The following NEDD1 variants were observed in gnomAD, a reference collection of about 807,000 sequenced individuals.
NEDD1 encodes protein NEDD1.
In NEDD1, 33 loss-of-function variants were observed where a neutral mutation model predicts 74.0. The ratio of observed to expected loss-of-function variants is 0.45; its 90% CI spans 0.34 to 0.60. The LOEUF (loss-of-function observed/expected upper bound fraction) is 0.60. Ranked by LOEUF, NEDD1 falls within the 20% of genes least tolerant of loss-of-function variation. NEDD1 has a pLI of 0.01. For synonymous variants in NEDD1, 250 were observed against 264.4 expected, an observed-to-expected ratio of 0.95 and a Z score of 0.53; for missense variants, 746 against 776.5, an observed-to-expected ratio of 0.96 and a Z score of 0.47.
intron 11 of NEDD1, 87 bp downstream of exon 11, chr12:96,942,711 G>T: frequency 2.8e-6 from 2 of 720,468 alleles, no homozygotes; most frequent in East Asian, 2.5e-5. Context: ...AACACTTTGA[G>T]GCTTAAAAAA....
At chr12:96,915,401 C>G (rs1874334130) in intron 4 of NEDD1, among the ~76,000 whole-genome samples, 1 of 152,042 alleles carries the variant, frequency 6.6e-6, no homozygotes, top group African/African-American at 2.4e-5. Context: ...TCATATGCAC[C>G]CTTTAAAGAA....
At chr12:96,912,086 G>T (rs995148295) in intron 3 of NEDD1, among the ~76,000 whole-genome samples, 1 of 151,568 alleles carries the variant, frequency 6.6e-6, no homozygotes, top group Non-Finnish European at 1.5e-5. Flanking sequence ...TTTACAATTC[G>T]TGTAAAAGAA....
chr12:96,923,071 T>A (rs2136538156), intron 6 of NEDD1, among the ~76,000 whole-genome samples: 1 of 152,202 alleles, frequency 6.6e-6, no homozygotes, highest in South Asian at 2.1e-4. Flanking sequence ...GAGTTCTGAT[T>A]GTGCCACTGC....
intron 1 of NEDD1, 120 bp downstream of exon 1, chr12:96,907,420 G>T: frequency 3.8e-6 from 2 of 530,280 alleles, no homozygotes; most frequent in Non-Finnish European, 6.6e-6. Context: ...TGGGCTTTGC[G>T]CGCCCGGAGC....
chr12:96,933,475 T>G lies in NEDD1; in HGVS notation c.490-1501T>G, dbSNP rs137964230. ...ATATAGTTAACATTCATGTAGTTTA[T>G]TTTTTCTTGAATATGGACCAGAGAA... On this transcript the variant is annotated intron_variant, in intron 6 of 15. Transcript: ENST00000266742. 5.3e-3 allele frequency among the ~76,000 whole-genome samples: 806 copies of G among 152,310 alleles called. 11 individuals carry two copies. The highest frequency in any genetic ancestry group is 0.018 in the African/African-American group (757 of 41,586).
Position 96,943,609 on chromosome 12 carries a change from T to C in NEDD1, c.1344T>C (p.Asn448=). Residue 448 remains asparagine, a synonymous_variant, in exon 12 of 16, where the codon AAT becomes AAC. Coordinates refer to ENST00000266742, the MANE Select transcript of NEDD1 (RefSeq NM_152905.4). ...ACTCAGTGTTTCCTCCAAGAAAAAATCCAGTAACTTCAAGTACTTCAGTAT... is the reference window on the plus strand; with the variant it reads ...ACTCAGTGTTTCCTCCAAGAAAAAACCCAGTAACTTCAAGTACTTCAGTAT... The part of the protein sequence containing the change: ...QLNSVFPPRK[N]PVTSSTSVLH... The C allele has an allele frequency of 6.2e-7, 1 of 1,613,230 alleles. No homozygotes were observed. The highest frequency in any genetic ancestry group is 8.5e-7 in the Non-Finnish European group (1 of 1,179,358).
At chr12:96,917,472 G>T in intron 4 of NEDD1, 149 bp from the exon 5 acceptor site, 1 of 888,592 alleles carries the variant, frequency 1.1e-6, no homozygotes, top group Non-Finnish European at 1.5e-6. Context: ...AAGACGATGA[G>T]AGAGTGGCTC....
At chr12:96,930,156 AACACACACACACACAC>A (rs61405089) in intron 6 of NEDD1, among the ~76,000 whole-genome samples, 4,477 of 93,436 alleles carry the variant, frequency 0.048, 117 homozygotes, top group African/African-American at 0.076. Context: ...TCTGTTGTAA[AACACACACACACACAC>A]ACACACACAC....
chr12:96,926,941 T>C (rs1242960816), intron 6 of NEDD1, among the ~76,000 whole-genome samples: 1 of 151,540 alleles, frequency 6.6e-6, no homozygotes, highest in Non-Finnish European at 1.5e-5. Context: ...GAGCCATGAC[T>C]GTGCTGCTGC....
At chr12:96,913,907 G>GA (rs1874181445) in intron 4 of NEDD1, among the ~76,000 whole-genome samples, 1 of 151,922 alleles carries the variant, frequency 6.6e-6, no homozygotes, top group Non-Finnish European at 1.5e-5. Context: ...CAATTAGAAA[G>GA]AAAACAGCAG....
intron 9 of NEDD1, 27 bp downstream of exon 9, chr12:96,937,420 G>A (rs781352033): frequency 1.5e-6 from 2 of 1,350,032 alleles, no homozygotes; most frequent in Non-Finnish European, 2.0e-6. Flanking sequence ...TATTGTTGGA[G>A]GGTTGGTTTG....
intron 9 of NEDD1, among the ~76,000 whole-genome samples, chr12:96,939,584 T>C (rs1309324012): frequency 6.6e-6 from 1 of 152,032 alleles, no homozygotes; most frequent in African/African-American, 2.4e-5. Flanking sequence ...CTTTTTAAAA[T>C]GTAATACAGT....
chr12:96,943,508 A>G (rs371493817), intron 11 of NEDD1, 52 bp from the exon 12 acceptor site: 69 of 1,222,550 alleles, frequency 5.6e-5, no homozygotes, highest in East Asian at 4.9e-4. Flanking sequence ...CTTTTCTTCA[A>G]TGTCCAAAAT....
At chr12:96,916,516 T>A (rs1344340676) in intron 4 of NEDD1, among the ~76,000 whole-genome samples, 1 of 139,642 alleles carries the variant, frequency 7.2e-6, no homozygotes, top group African/African-American at 2.7e-5. Flanking sequence ...TTTGGTTTTT[T>A]GTTCTTGCGA....
At chr12:96,916,990 A>G (rs969788555) in intron 4 of NEDD1, among the ~76,000 whole-genome samples, 2 of 152,094 alleles carry the variant, frequency 1.3e-5, no homozygotes, top group Non-Finnish European at 2.9e-5. Context: ...GAGGGGAGGG[A>G]GAACAAGAAA....
chr12:96,918,313 CT>C (rs1022064994), intron 5 of NEDD1, among the ~76,000 whole-genome samples: 6 of 151,488 alleles, frequency 4.0e-5, no homozygotes, highest in South Asian at 2.1e-4. Flanking sequence ...AGTCTATGGT[CT>C]TTTTTTTGGA....
intron 6 of NEDD1, among the ~76,000 whole-genome samples, chr12:96,924,124 G>C (rs1388874831): frequency 2.6e-5 from 4 of 152,106 alleles, no homozygotes; most frequent in Non-Finnish European, 5.9e-5. Flanking sequence ...TTATTACAAA[G>C]ACCAACCTAT....
chr12:96,913,619 GC>G (rs1376333943), intron 4 of NEDD1, among the ~76,000 whole-genome samples: 3 of 151,906 alleles, frequency 2.0e-5, no homozygotes, highest in Admixed American at 6.6e-5. Context: ...TGATCCGCCC[GC>G]CTCAGCCTCC....
intron 3 of NEDD1, 90 bp downstream of exon 3, chr12:96,909,985 C>A: frequency 7.2e-7 from 1 of 1,397,148 alleles, no homozygotes; most frequent in South Asian, 1.5e-5. Context: ...TTGCATGTGC[C>A]TCATACTGAG....
Sources: allele counts gnomAD v4.1 joint callset (sites outside exome capture counted in the v4.1 genomes callset), GRCh38; gene constraint gnomAD v4.1.1; transcripts MANE v1.5; gene names NCBI Gene and HGNC (gene_info 2026-07-23, HGNC 2026-07-21).